The following SLC24A4 variants were observed in gnomAD, a reference collection of about 807,000 sequenced individuals.
SLC24A4 encodes the protein solute carrier family 24 member 4.
A neutral mutation model predicts 79.0 loss-of-function variants in SLC24A4; 53 were observed. That is an observed-to-expected ratio of 0.67 (90% confidence interval 0.54 to 0.84). The LOEUF is 0.84. SLC24A4 is among the 40% of genes least tolerant of loss of function. The pLI is 0.00. For missense variants in SLC24A4, 731 were observed against 822.0 expected (o/e 0.89, Z 1.35); for synonymous variants, 323 against 323.8 (o/e 1.00, Z 0.03).
chr14:92,395,309 G>A (rs1889700956), intron 2 of SLC24A4, among the ~76,000 whole-genome samples: 1 of 152,014 alleles, frequency 6.6e-6, no homozygotes, highest in Non-Finnish European at 1.5e-5. Context: ...CCGTTGCCTG[G>A]AGCACTGCAG....
At chr14:92,384,340 A>T (rs1443246795) in intron 2 of SLC24A4, among the ~76,000 whole-genome samples, 3 of 152,258 alleles carry the variant, frequency 2.0e-5, no homozygotes, top group Non-Finnish European at 2.9e-5. Context: ...TGCGCATTAC[A>T]GCATAAATCA....
At chr14:92,401,006 T>G (rs183921052) in intron 2 of SLC24A4, among the ~76,000 whole-genome samples, 192 of 152,298 alleles carry the variant, frequency 1.3e-3, no homozygotes, top group African/African-American at 4.5e-3. Context: ...GAGATTCTTC[T>G]GAAAGTGTCT....
intron 2 of SLC24A4, among the ~76,000 whole-genome samples, chr14:92,329,718 G>T (rs1885358670): frequency 6.6e-6 from 1 of 152,184 alleles, no homozygotes; most frequent in Non-Finnish European, 1.5e-5. Flanking sequence ...TGTGGCCCAG[G>T]GTGGCCTCAA....
chr14:92,351,098 C>T (rs763327739), intron 2 of SLC24A4, among the ~76,000 whole-genome samples: 1 of 152,168 alleles, frequency 6.6e-6, no homozygotes, highest in Non-Finnish European at 1.5e-5. Flanking sequence ...TCATAAGCCA[C>T]TCAATCTATG....
Position 92,486,749 on chromosome 14 carries a change from C to G in SLC24A4, c.1506C>G (p.Asp502Glu). The change falls in exon 14 of 17, where the codon GAC becomes GAG. Residue 502 changes from aspartate to glutamate, a missense_variant. Coordinates refer to ENST00000532405, the MANE Select transcript of SLC24A4 (RefSeq NM_153646.4). ...TFLAAGTSVP[D>E]CMASLIVARQ... ...TGGCAGCAGGGACAAGTGTTCCAGACTGCATGGCCAGCCTAATTGTGGCGA... is the reference window on the plus strand; with the variant it reads ...TGGCAGCAGGGACAAGTGTTCCAGAGTGCATGGCCAGCCTAATTGTGGCGA... 2 of 1,614,114 alleles carry G rather than the reference C, an allele frequency of 1.2e-6. No homozygotes were observed. Among genetic ancestry groups the G allele is most frequent in the Non-Finnish European group, 1.7e-6 (2 of 1,179,998 alleles).
chr14:92,358,695 C>CTT lies in SLC24A4; in HGVS notation c.241+32735_241+32736dup, dbSNP rs749108837. On this transcript the variant is annotated intron_variant, in intron 2 of 16. Coordinates refer to ENST00000532405, the MANE Select transcript of SLC24A4 (RefSeq NM_153646.4). The stretch of plus-strand genomic sequence containing the variant: ...TGCTGGGACAGATCCCACATCTACT[C>CTT]TTTTTTTTTTTTTTTTTTTGAGATG... 2.5e-4 allele frequency among the ~76,000 whole-genome samples: 33 copies of CTT among 130,874 alleles called. 1 individual carries two copies. Among genetic ancestry groups the CTT allele is most frequent in the Admixed American group, 4.8e-4 (6 of 12,584 alleles). 85.9% of individuals were successfully genotyped at this position (130,874 alleles called of 152,430 possible). A position where few individuals can be genotyped will look rare whatever the true frequency, so the allele number is the denominator to read the frequency against.
chr14:92,351,645 C>T (rs1422768334), intron 2 of SLC24A4, among the ~76,000 whole-genome samples: 1 of 152,058 alleles, frequency 6.6e-6, no homozygotes, highest in Admixed American at 6.6e-5. Flanking sequence ...TCACTTGAAG[C>T]CAGGAGTTTG....
chr14:92,388,283 T>C (rs61975646), intron 2 of SLC24A4, among the ~76,000 whole-genome samples: 9,502 of 152,222 alleles, frequency 0.062, 422 homozygotes, highest in Non-Finnish European at 0.085. Context: ...ATTTAAGGTG[T>C]GACGCATAAA....
intron 2 of SLC24A4, among the ~76,000 whole-genome samples, chr14:92,377,234 T>C (rs751271282): frequency 3.3e-5 from 5 of 152,234 alleles, no homozygotes; most frequent in Non-Finnish European, 5.9e-5. Flanking sequence ...GGGAGAATTA[T>C]ACATGTCAAG....
intron 2 of SLC24A4, among the ~76,000 whole-genome samples, chr14:92,392,028 G>A (rs1889497538): frequency 6.6e-6 from 1 of 152,126 alleles, no homozygotes; most frequent in East Asian, 1.9e-4. Context: ...ACCAGCCCAG[G>A]CAGCAACATC....
intron 2 of SLC24A4, among the ~76,000 whole-genome samples, chr14:92,345,438 T>C (rs540369171): frequency 2.0e-4 from 30 of 152,280 alleles, no homozygotes; most frequent in African/African-American, 7.2e-4. Flanking sequence ...TAGTGGCTCA[T>C]GCCTGTAATC....
In SLC24A4 at chr14:92,364,965, G is replaced by T. The variant is rs889652335; in HGVS notation, c.241+38987G>T. On this transcript the variant is annotated intron_variant, in intron 2 of 16. Transcript: ENST00000532405. ...CGTGAGAGCCCCTTCCTCCTGCCTT[G>T]CCCCTGCCCTTTCCACTGCCCAGGA... is the stretch of plus-strand genomic sequence containing the variant. Among the ~76,000 whole-genome samples, 8 of 152,166 alleles carry T rather than the reference G, an allele frequency of 5.3e-5. No individual in the cohort carries two copies. The East Asian group carries it at 1.5e-3, about 29-fold the overall frequency.
intron 2 of SLC24A4, among the ~76,000 whole-genome samples, chr14:92,375,744 C>G (rs897432941): frequency 6.6e-6 from 1 of 152,138 alleles, no homozygotes; most frequent in Non-Finnish European, 1.5e-5. Flanking sequence ...TATGAAATGC[C>G]CAGAATAGGC....
intron 2 of SLC24A4, among the ~76,000 whole-genome samples, chr14:92,395,226 C>T (rs1274901245): frequency 6.6e-6 from 1 of 152,160 alleles, no homozygotes; most frequent in Non-Finnish European, 1.5e-5. Context: ...ACAGTAGGGG[C>T]TCAGGTGCCT....
chr14:92,399,026 T>A (rs1395010805), intron 2 of SLC24A4, among the ~76,000 whole-genome samples: 1 of 152,186 alleles, frequency 6.6e-6, no homozygotes, highest in Admixed American at 6.5e-5. Context: ...TAATTAACAA[T>A]CTTAACAGCT....
chr14:92,378,443 T>C (rs1888643180), intron 2 of SLC24A4, among the ~76,000 whole-genome samples: 1 of 152,208 alleles, frequency 6.6e-6, no homozygotes, highest in African/African-American at 2.4e-5. Context: ...ACATTTCTGT[T>C]GTTGTCTCTT....
In SLC24A4 at chr14:92,495,350, T is replaced by C. The variant is rs1253531483; in HGVS notation, c.*1722T>C. On this transcript the variant is annotated 3_prime_UTR_variant, in exon 17 of 17. Transcript: ENST00000532405. ...TTCTATTTGGGATTCACATCAGTAT[T>C]AGTATCGTAGCTACACCAAGTTCAG... The C allele has an allele frequency of 5.3e-5, 8 of 152,200 alleles. No individual in the cohort carries two copies. Among genetic ancestry groups the C allele is most frequent in the Non-Finnish European group, 4.4e-5 (3 of 68,042 alleles). The allele number at this position is 152,200 out of a possible 1,614,324, so 9.4% of individuals were successfully genotyped here.
intron 9 of SLC24A4, 86 bp downstream of exon 9, chr14:92,447,510 T>A (rs1183886824): frequency 2.0e-5 from 26 of 1,302,494 alleles, no homozygotes; most frequent in Non-Finnish European, 2.9e-5. Flanking sequence ...GAGAAAAACA[T>A]CTGTCAGATC....
At chr14:92,383,268 A>G (rs555776768) in intron 2 of SLC24A4, among the ~76,000 whole-genome samples, 55 of 152,264 alleles carry the variant, frequency 3.6e-4, no homozygotes, top group African/African-American at 1.3e-3. Flanking sequence ...TCTGCAGTCT[A>G]TCCTCATTCT....
Sources: gnomAD v4.1 joint callset for allele counts (sites outside exome capture counted in the v4.1 genomes callset) on GRCh38, gnomAD v4.1.1 for gene constraint, MANE v1.5 for transcripts, NCBI Gene and HGNC (gene_info 2026-07-23, HGNC 2026-07-21) for gene names.